Variants in ATF1 observed in about 807,000 individuals in gnomAD.
ATF1 encodes the protein activating transcription factor 1.
In ATF1, 16 loss-of-function variants were observed where a neutral mutation model predicts 34.7. The observed-to-expected ratio is 0.46, with a 90% CI of 0.31 to 0.70. ATF1 has a LOEUF of 0.70. Ranked by LOEUF, ATF1 falls within the 30% of genes least tolerant of loss-of-function variation. ATF1 has a pLI of 0.05. For synonymous variants in ATF1, 105 were observed against 113.1 expected (o/e 0.93, Z 0.46); for missense variants, 255 against 321.6 (o/e 0.79, Z 1.58).
At chr12:50,806,452 A>T (rs1941618863) in intron 3 of ATF1, 1 of 372,318 alleles carries the variant, frequency 2.7e-6, no homozygotes, top group African/African-American at 2.0e-5. Flanking sequence ...GCACAGCACC[A>T]CACAGGGCGG....
chr12:50,766,088 A>C (rs548339136), intron 1 of ATF1, among the ~76,000 whole-genome samples: 1 of 152,200 alleles, frequency 6.6e-6, no homozygotes, highest in Non-Finnish European at 1.5e-5. Context: ...CCTGTAACAT[A>C]TTTCTGGCGA....
At position 50,809,507 on chromosome 12, in the gene ATF1, CGG is replaced by C; in HGVS notation, c.247_248del (p.Gly83ArgfsTer22). The C allele has an allele frequency of 1.2e-6, 2 of 1,613,136 alleles. No homozygotes were observed. Among genetic ancestry groups the C allele is most frequent in the South Asian group, 1.1e-5 (1 of 91,056 alleles). On this transcript the variant is annotated frameshift_variant, in exon 4 of 7. Transcript: ENST00000262053. LOFTEE classifies it high-confidence loss of function. The stretch of plus-strand genomic sequence containing the variant: ...AAGATACACGGGGCAGAAAAGGAGA[CGG>C]AGAAAATTCTGGAGTTTCTGCTGCT... ...SEDTRGRKGD[G>X]ENSGVSAAVT...
At chr12:50,773,867 G>C (rs1940844928) in intron 1 of ATF1, among the ~76,000 whole-genome samples, 1 of 152,118 alleles carries the variant, frequency 6.6e-6, no homozygotes, top group South Asian at 2.1e-4. Flanking sequence ...TAGGATTACA[G>C]GTGTGAGTCA....
intron 1 of ATF1, among the ~76,000 whole-genome samples, chr12:50,779,590 C>G (rs1941009701): frequency 1.3e-5 from 2 of 148,644 alleles, no homozygotes; most frequent in African/African-American, 5.0e-5. Context: ...CCTTTAAAAA[C>G]ATTAAATTCT....
chr12:50,764,365 A>C (rs1400814285), intron 1 of ATF1, 58 bp downstream of exon 1: 1 of 148,204 alleles, frequency 6.7e-6, no homozygotes, highest in African/African-American at 2.5e-5. Context: ...GGACGCGGGA[A>C]CGTGGCGCCG....
Position 50,780,193 on chromosome 12 carries a change from T to G in ATF1, c.48T>G (p.Pro16=). ...KSTTSETAPQ[P]GSAVQGAHIS... is the part of the protein sequence containing the mutation. ...CCACGTCAGAGACAGCACCTCAACC[T>G]GGTTCAGCAGTTCAGGGAGCTCACA... Residue 16 remains proline (P), a synonymous_variant, in exon 2 of 7, where the codon CCT becomes CCG. Coordinates refer to ENST00000262053, the MANE Select transcript of ATF1 (RefSeq NM_005171.5). 1.2e-6 allele frequency: 2 copies of G among 1,613,994 alleles called. No homozygotes were observed. Among genetic ancestry groups the G allele is most frequent in the Non-Finnish European group, 1.7e-6 (2 of 1,179,922 alleles).
In ATF1 at chr12:50,820,909, TTTATA is replaced by T. The variant is rs979368871; in HGVS notation, c.*1135_*1139del. ...AAAATTTGCATCTCAAAGTATCATTTTTATATTATGGGACGTTTTCAGATTGGCTA... is the reference window on the plus strand; with the variant it reads ...AAAATTTGCATCTCAAAGTATCATTTTTATGGGACGTTTTCAGATTGGCTA... On this transcript the variant is annotated 3_prime_UTR_variant, in exon 7 of 7. Coordinates refer to ENST00000262053, the MANE Select transcript of ATF1 (RefSeq NM_005171.5). 5.6e-6 allele frequency: 1 copy of T among 179,600 alleles called. No individual in the cohort carries two copies. The highest frequency in any genetic ancestry group is 1.2e-5 in the Non-Finnish European group (1 of 83,648). The allele number at this position is 179,600 out of a possible 1,614,324, so 11.1% of individuals were successfully genotyped here.
intron 4 of ATF1, among the ~76,000 whole-genome samples, chr12:50,812,009 A>T (rs1484820691): frequency 6.6e-6 from 1 of 152,194 alleles, no homozygotes; most frequent in Admixed American, 6.5e-5. Flanking sequence ...ACCATGTGTG[A>T]CTGTTGAGTG....
intron 3 of ATF1, 82 bp downstream of exon 3, chr12:50,796,091 G>A (rs1941403367): frequency 8.5e-7 from 1 of 1,181,406 alleles, no homozygotes; most frequent in Non-Finnish European, 1.2e-6. Context: ...GTACACTAAA[G>A]AAGTTAGCAC....
chr12:50,807,720 T>A (rs1341032758), intron 3 of ATF1, among the ~76,000 whole-genome samples: 4 of 152,164 alleles, frequency 2.6e-5, no homozygotes, highest in Admixed American at 1.3e-4. Context: ...GAACATAGAA[T>A]TCTTAAGCAT....
chr12:50,780,260 A>T, intron 2 of ATF1, 22 bp downstream of exon 2: 1 of 1,526,460 alleles, frequency 6.6e-7, no homozygotes, highest in Non-Finnish European at 9.1e-7. Context: ...ACTGGCCAAA[A>T]TACTGAGCTT....
In ATF1 at chr12:50,800,644, G is replaced by A. The variant is rs904015911; in HGVS notation, c.194+4635G>A. 3.9e-5 allele frequency among the ~76,000 whole-genome samples: 6 copies of A among 152,204 alleles called. No homozygotes were observed. The East Asian group carries it at 5.8e-4, about 15-fold the overall frequency. ...AATGTGAACCGTGTTGTGACCATGCGAGGGATCTAGGTTGCATGCTCTTCA... is the reference window on the plus strand; with the variant it reads ...AATGTGAACCGTGTTGTGACCATGCAAGGGATCTAGGTTGCATGCTCTTCA... On this transcript the variant is annotated intron_variant, in intron 3 of 6. Coordinates refer to ENST00000262053, the MANE Select transcript of ATF1 (RefSeq NM_005171.5).
intron 4 of ATF1, among the ~76,000 whole-genome samples, chr12:50,813,397 A>G (rs1242894473): frequency 2.0e-5 from 3 of 152,220 alleles, no homozygotes; most frequent in Non-Finnish European, 2.9e-5. Flanking sequence ...CTTTTATTCT[A>G]TTGAATTTTT....
chr12:50,770,314 G>C lies in ATF1; in HGVS notation c.-7+6007G>C, dbSNP rs369529196. Among the ~76,000 whole-genome samples, 340 of 152,272 alleles carry C rather than the reference G, an allele frequency of 2.2e-3. 1 individual carries two copies. The highest frequency in any genetic ancestry group is 0.017 in the South Asian group (83 of 4,828). ...TTTAAGGAATCAAACTTGACTTGTAGAGCCAATAAAAGCCCTTTGGGGAAC... is the reference window on the plus strand; with the variant it reads ...TTTAAGGAATCAAACTTGACTTGTACAGCCAATAAAAGCCCTTTGGGGAAC... On this transcript the variant is annotated intron_variant, in intron 1 of 6. Transcript: ENST00000262053.
chr12:50,789,647 C>T (rs866348842), intron 2 of ATF1, among the ~76,000 whole-genome samples: 7 of 152,112 alleles, frequency 4.6e-5, no homozygotes, highest in Middle Eastern at 3.4e-3. Context: ...CCCAGCTACT[C>T]GGGAGGCTGA....
rs558595103 is a variant in ATF1, at chr12:50,768,092, C to G, written c.-7+3785C>G. On this transcript the variant is annotated intron_variant, in intron 1 of 6. Transcript: ENST00000262053. Reference sequence around the variant, plus strand: ...TTCATCATATTGGGCAGGCTGGTCTCGAACTCCTGACCTCAGGTGATCCAC... The same window carrying G: ...TTCATCATATTGGGCAGGCTGGTCTGGAACTCCTGACCTCAGGTGATCCAC... 2.9e-4 allele frequency among the ~76,000 whole-genome samples: 44 copies of G among 152,200 alleles called. 2 individuals are homozygous for G. The South Asian group carries it at 8.9e-3, about 31-fold the overall frequency.
rs561119640 is a variant in ATF1, at chr12:50,778,746, C to T, written c.-6-1394C>T. ...GGGATTACAGGTGCTTGCCACCACC[C>T]CTGGCTAATTTTTTTTGTATTTTAG... On this transcript the variant is annotated intron_variant, in intron 1 of 6. Coordinates refer to ENST00000262053, the MANE Select transcript of ATF1 (RefSeq NM_005171.5). 2.6e-5 allele frequency among the ~76,000 whole-genome samples: 4 copies of T among 152,274 alleles called. No homozygotes were observed. In the South Asian group the frequency reaches 6.2e-4, roughly 24 times the overall value.
intron 3 of ATF1, among the ~76,000 whole-genome samples, chr12:50,798,901 T>C (rs1941462666): frequency 6.6e-6 from 1 of 152,214 alleles, no homozygotes; most frequent in Admixed American, 6.5e-5. Flanking sequence ...ATGTAGACTT[T>C]TAGAACTTAA....
intron 3 of ATF1, among the ~76,000 whole-genome samples, chr12:50,797,675 T>G (rs1941435381): frequency 6.6e-6 from 1 of 152,020 alleles, no homozygotes. Flanking sequence ...CCCACTATGT[T>G]GACCAGGCTG....
Sources: gnomAD v4.1 joint callset for allele counts (sites outside exome capture counted in the v4.1 genomes callset) on GRCh38, gnomAD v4.1.1 for gene constraint, MANE v1.5 for transcripts, NCBI Gene and HGNC (gene_info 2026-07-23, HGNC 2026-07-21) for gene names.